NCOA7: variants seen among roughly 807,000 people sequenced by gnomAD.
The protein encoded by NCOA7 is nuclear receptor coactivator 7, also known as 140 kDa estrogen receptor-associated protein.
NCOA7 carries 45 observed loss-of-function variants against 104.3 expected under a neutral mutation model. The observed-to-expected ratio is 0.43, with a 90% CI of 0.34 to 0.55. The LOEUF (loss-of-function observed/expected upper bound fraction) is 0.55, where lower values mean the gene tolerates loss of function less well. Ranked by LOEUF, NCOA7 falls within the 20% of genes least tolerant of loss-of-function variation. The pLI, the probability that NCOA7 is intolerant of heterozygous loss-of-function variation, is 0.02. For synonymous variants in NCOA7, 398 were observed against 402.3 expected (o/e 0.99, Z 0.13); for missense variants, 1,041 against 1,119.7 (o/e 0.93, Z 1.00).
Position 125,833,094 on chromosome 6 carries a change from G to C in NCOA7, c.50+17690G>C, listed in dbSNP as rs188060167. 1.6e-4 allele frequency among the ~76,000 whole-genome samples: 25 copies of C among 152,304 alleles called. No homozygotes were observed. In the East Asian group the frequency reaches 4.8e-3, roughly 29 times the overall value. ...CAAAATAAAACTTCTGCTCCAGTTT[G>C]TGTTGCCGCAGAGTGAAACTATTGG... On this transcript the variant is annotated intron_variant, in intron 2 of 15. Transcript: ENST00000392477.
chr6:125,907,866 T>C (rs543997080), intron 10 of NCOA7, among the ~76,000 whole-genome samples: 1 of 152,378 alleles, frequency 6.6e-6, no homozygotes, highest in East Asian at 1.9e-4. Flanking sequence ...GTAGATGGTA[T>C]ATTTTACCAG....
chr6:125,904,449 T>G (rs1785785783), intron 10 of NCOA7, among the ~76,000 whole-genome samples: 1 of 152,172 alleles, frequency 6.6e-6, no homozygotes, highest in Non-Finnish European at 1.5e-5. Flanking sequence ...CTCCTTTTGC[T>G]CTGCCATGTC....
At chr6:125,832,983 C>T (rs1236544264) in intron 2 of NCOA7, among the ~76,000 whole-genome samples, 1 of 152,212 alleles carries the variant, frequency 6.6e-6, no homozygotes, top group Non-Finnish European at 1.5e-5. Context: ...CAGTTTCTCT[C>T]TGGAACTTCA....
At chr6:125,849,151 A>G (rs949979572) in intron 2 of NCOA7, among the ~76,000 whole-genome samples, 9 of 152,224 alleles carry the variant, frequency 5.9e-5, no homozygotes, top group African/African-American at 1.9e-4. Context: ...TTGTAAAAGA[A>G]AAAGCTTCAG....
At position 125,928,673 on chromosome 6, in the gene NCOA7, C is replaced by T. The variant is rs770030372; in HGVS notation, c.2731C>T (p.His911Tyr). 1 of 1,612,152 alleles carries T rather than the reference C, an allele frequency of 6.2e-7. No homozygotes were observed. Among genetic ancestry groups the T allele is most frequent in the Non-Finnish European group, 8.5e-7 (1 of 1,179,512 alleles). ...TTTATGGCTAGATGCTGATTTATAC[C>T]ACGGACGAAGCAACTCTTGCAGCAC... ...FGLWLDADLY[H>Y]GRSNSCSTFN... Residue 911 changes from histidine (H) to tyrosine (Y), a missense_variant, in exon 16 of 16, where the codon CAC (histidine) becomes TAC (tyrosine). His to Tyr is a moderately conservative substitution (Grantham distance 83). Coordinates refer to ENST00000392477, the MANE Select transcript of NCOA7 (RefSeq NM_181782.5).
chr6:125,835,772 A>G (rs553090778), intron 2 of NCOA7, among the ~76,000 whole-genome samples: 244 of 152,300 alleles, frequency 1.6e-3, no homozygotes, highest in Non-Finnish European at 3.0e-3. Context: ...GATGAGTCCT[A>G]CCCAGATCTG....
chr6:125,896,541 AG>A (rs1421053933), intron 10 of NCOA7, among the ~76,000 whole-genome samples: 2 of 152,164 alleles, frequency 1.3e-5, no homozygotes, highest in Non-Finnish European at 2.9e-5. Context: ...CTGTAATCCC[AG>A]CACTTTTGGG....
intron 2 of NCOA7, among the ~76,000 whole-genome samples, chr6:125,848,252 A>G (rs1446941331): frequency 2.6e-5 from 4 of 152,066 alleles, no homozygotes; most frequent in Non-Finnish European, 5.9e-5. Flanking sequence ...CAATTCCTCA[A>G]GGATCTAGAA....
At chr6:125,799,662 G>A (rs532669486) in intron 1 of NCOA7, among the ~76,000 whole-genome samples, 101 of 152,088 alleles carry the variant, frequency 6.6e-4, no homozygotes, top group East Asian at 3.1e-3. Flanking sequence ...GGCTGGTCTC[G>A]AACTCCTGGC....
intron 2 of NCOA7, among the ~76,000 whole-genome samples, chr6:125,834,173 A>G (rs1285618824): frequency 3.1e-5 from 4 of 130,874 alleles, no homozygotes; most frequent in Non-Finnish European, 5.4e-5. Context: ...ATAAAAACAA[A>G]TATTTGGTTT....
intron 1 of NCOA7, among the ~76,000 whole-genome samples, 190 bp downstream of exon 1, chr6:125,791,257 G>A (rs1390916044): frequency 6.6e-6 from 1 of 152,230 alleles, no homozygotes; most frequent in African/African-American, 2.4e-5. Flanking sequence ...GAGCTCGGGA[G>A]GCCGAGCGGG....
chr6:125,879,864 C>T (rs1783678741), intron 5 of NCOA7, among the ~76,000 whole-genome samples: 1 of 152,084 alleles, frequency 6.6e-6, no homozygotes, highest in Admixed American at 6.5e-5. Context: ...AGTAGCCAGG[C>T]TTGGTGGTGG....
chr6:125,784,364 A>G (rs1173673662), intron 1 of NCOA7, among the ~76,000 whole-genome samples: 1 of 152,248 alleles, frequency 6.6e-6, no homozygotes, highest in Non-Finnish European at 1.5e-5. Context: ...TGGTATAATA[A>G]GAGAAATGTA....
Position 125,830,721 on chromosome 6 carries a change from TTATATA to T in NCOA7, c.50+15329_50+15334del, listed in dbSNP as rs72316010. On this transcript the variant is annotated intron_variant, in intron 2 of 15. Transcript: ENST00000392477. ...GGCCCTGTGTCTCTCTCTATATATT[TTATATA>T]TATATATATATGTGTGTGTGTGTGT... Among the ~76,000 whole-genome samples, 4 of 143,030 alleles carry T rather than the reference TTATATA, an allele frequency of 2.8e-5. No homozygotes were observed. In the East Asian group the frequency reaches 6.2e-4, roughly 22 times the overall value. The allele number at this position is 143,030 out of a possible 152,430, so 93.8% of individuals were successfully genotyped here. A position where few individuals can be genotyped will look rare whatever the true frequency, so the allele number is the denominator to read the frequency against.
intron 10 of NCOA7, among the ~76,000 whole-genome samples, chr6:125,901,620 A>C (rs1405497430): frequency 6.6e-6 from 1 of 152,180 alleles, no homozygotes; most frequent in Non-Finnish European, 1.5e-5. Flanking sequence ...GCCCACGACC[A>C]CTGGAGCCCC....
In NCOA7 at chr6:125,888,966, G is replaced by A. The variant is rs1784434672; in HGVS notation, c.912G>A (p.Leu304=). ...ACCTACCTCAGGATCTTTGTCCTCT[G>A]TACAGGCCTGGAGAATGGGAAGACC... is the stretch of plus-strand genomic sequence containing the variant. ...PSDLPQDLCP[L]YRPGEWEDLA... Residue 304 remains leucine, a synonymous_variant, in exon 9 of 16, where the codon CTG becomes CTA. Transcript: ENST00000392477. The A allele has an allele frequency of 1.2e-6, 2 of 1,613,516 alleles. No homozygotes were observed. Among genetic ancestry groups the A allele is most frequent in the Non-Finnish European group, 1.7e-6 (2 of 1,179,726 alleles).
intron 2 of NCOA7, among the ~76,000 whole-genome samples, chr6:125,822,948 A>C (rs1424310761): frequency 2.6e-5 from 4 of 151,224 alleles, no homozygotes; most frequent in African/African-American, 4.9e-5. Context: ...AAAAAAAAAA[A>C]AACAACAAAA....
intron 2 of NCOA7, among the ~76,000 whole-genome samples, chr6:125,827,351 A>G (rs1778756911): frequency 6.6e-6 from 1 of 152,180 alleles, no homozygotes; most frequent in South Asian, 2.1e-4. Context: ...TCACCTCTTA[A>G]CAGTGCCACC....
chr6:125,793,570 G>A (rs1775044592), intron 1 of NCOA7, among the ~76,000 whole-genome samples: 1 of 151,974 alleles, frequency 6.6e-6, no homozygotes, highest in Admixed American at 6.5e-5. Flanking sequence ...CCAGCACTCC[G>A]CCCCCACAAG....
Sources: gnomAD v4.1 joint callset for allele counts (sites outside exome capture counted in the v4.1 genomes callset) on GRCh38, gnomAD v4.1.1 for gene constraint, MANE v1.5 for transcripts, NCBI Gene and HGNC (gene_info 2026-07-23, HGNC 2026-07-21) for gene names.